The following ADAMTS2 variants were observed in gnomAD, a reference collection of about 807,000 sequenced individuals.
ADAMTS2 encodes the protein A disintegrin and metalloproteinase with thrombospondin motifs 2.
Under a neutral mutation model 123.0 loss-of-function variants are expected in ADAMTS2, and 50 were observed. That is an observed-to-expected ratio of 0.41 (90% confidence interval 0.32 to 0.51). The LOEUF (loss-of-function observed/expected upper bound fraction) is 0.51. ADAMTS2 is among the 20% of genes least tolerant of loss of function. The probability of loss-of-function intolerance (pLI) is 0.35; values close to 1 mark genes in which losing one functional copy is unlikely to be tolerated. For synonymous variants in ADAMTS2, 678 were observed against 695.4 expected (o/e 0.98, Z 0.39); for missense variants, 1,494 against 1,705.2 (o/e 0.88, Z 2.18).
intron 3 of ADAMTS2, among the ~76,000 whole-genome samples, chr5:179,258,819 C>A (rs1034991955): frequency 6.6e-6 from 1 of 152,132 alleles, no homozygotes; most frequent in Non-Finnish European, 1.5e-5. Context: ...CTCCCAGCCT[C>A]ACGGTGATTT....
At chr5:179,124,903 C>A in intron 19 of ADAMTS2, 70 bp downstream of exon 19, 1 of 1,592,348 alleles carries the variant, frequency 6.3e-7, no homozygotes, top group Non-Finnish European at 8.5e-7. Flanking sequence ...ATGCAGCGCA[C>A]GGAGCGCACC....
At chr5:179,134,932 CCCAGCTCCCGACTCCAGCT>C (rs2113211541) in intron 13 of ADAMTS2, among the ~76,000 whole-genome samples, 1 of 119,038 alleles carries the variant, frequency 8.4e-6, no homozygotes, top group Non-Finnish European at 1.8e-5. Context: ...GGCTCCAGCC[CCCAGCTCCCGACTCCAGCT>C]CCAGCTCCCG....
intron 2 of ADAMTS2, among the ~76,000 whole-genome samples, chr5:179,300,485 A>G (rs1756485368): frequency 6.6e-6 from 1 of 152,224 alleles, no homozygotes; most frequent in Admixed American, 6.5e-5. Context: ...ACAATGGAAA[A>G]CTAAAGAAAC....
At chr5:179,233,647 A>G (rs1238561607) in intron 3 of ADAMTS2, among the ~76,000 whole-genome samples, 2 of 152,218 alleles carry the variant, frequency 1.3e-5, no homozygotes, top group Non-Finnish European at 2.9e-5. Flanking sequence ...AGATTGTACC[A>G]TTGCACTCCA....
intron 4 of ADAMTS2, among the ~76,000 whole-genome samples, chr5:179,200,396 G>A (rs774222376): frequency 2.2e-4 from 34 of 151,892 alleles, no homozygotes; most frequent in South Asian, 4.2e-4. Context: ...TTACAGGCAC[G>A]TGCCACCACA....
At chr5:179,147,101 C>T (rs149215686) in intron 10 of ADAMTS2, among the ~76,000 whole-genome samples, 1,675 of 152,122 alleles carry the variant, frequency 0.011, 35 homozygotes, top group African/African-American at 0.037. Flanking sequence ...ATTTATTTAT[C>T]GTTTTGAGAT....
chr5:179,137,787 G>A lies in ADAMTS2; in HGVS notation c.1933C>T (p.Pro645Ser). The stretch of plus-strand genomic sequence containing the variant: ...GGCTCACCATCCCGGTGCTCGTGGG[G>A]CAGCCAGTGGTGCTGGGCGTCGCCG... ...EHGDAQHHWL[P>S]HEHRDAKERC... The change falls in exon 12 of 22, where the codon CCC becomes TCC. Residue 645 changes from proline (P) to serine (S), a missense_variant. By Grantham distance (74) the Pro-to-Ser change is moderately conservative. Coordinates refer to ENST00000251582, the MANE Select transcript of ADAMTS2 (RefSeq NM_014244.5). 6.3e-7 allele frequency: 1 copy of A among 1,575,882 alleles called. No homozygotes were observed. The highest frequency in any genetic ancestry group is 8.6e-7 in the Non-Finnish European group (1 of 1,163,616).
intron 2 of ADAMTS2, among the ~76,000 whole-genome samples, chr5:179,319,312 G>A (rs1757091470): frequency 6.6e-6 from 1 of 152,152 alleles, no homozygotes; most frequent in Non-Finnish European, 1.5e-5. Context: ...CCCCATGCAT[G>A]TGCATGGCAG....
rs770094463 is a variant in ADAMTS2, at chr5:179,140,799, C to CTTTTTTTTTTTTTTTTTTTTTTTT, written c.1630-765_1630-764insAAAAAAAAAAAAAAAAAAAAAAAA. ...TTTCCTTCAGTTCCGACTGCATGCTCTTTTTTTTTTTTTTTTTTTGAGACA... is the reference window on the plus strand; with the variant it reads ...TTTCCTTCAGTTCCGACTGCATGCTCTTTTTTTTTTTTTTTTTTTTTTTTTTTTTTTTTTTTTTTTTTTGAGACA... On this transcript the variant is annotated intron_variant, in intron 10 of 21. Transcript: ENST00000251582. Among the ~76,000 whole-genome samples the CTTTTTTTTTTTTTTTTTTTTTTTT allele has an allele frequency of 2.9e-4, 26 of 90,452 alleles. 4 individuals carry two copies. The highest frequency in any genetic ancestry group is 4.6e-4 in the Non-Finnish European group (22 of 48,298). 59.3% of individuals were successfully genotyped at this position (90,452 alleles called of 152,430 possible). A position where few individuals can be genotyped will look rare whatever the true frequency, so the allele number is the denominator to read the frequency against.
intron 3 of ADAMTS2, among the ~76,000 whole-genome samples, chr5:179,258,478 C>T (rs13179057): frequency 1.1e-4 from 17 of 151,930 alleles, no homozygotes; most frequent in Non-Finnish European, 2.2e-4. Context: ...ACCCCAGCCT[C>T]GGCCCCAGCT....
intron 10 of ADAMTS2, among the ~76,000 whole-genome samples, chr5:179,151,559 G>GC (rs1463861710): frequency 6.6e-6 from 1 of 152,156 alleles, no homozygotes; most frequent in Non-Finnish European, 1.5e-5. Context: ...GCATATGCCA[G>GC]CCCCCTAGCA....
Position 179,181,292 on chromosome 5 carries a change from C to T in ADAMTS2, c.892-137G>A, listed in dbSNP as rs1399310436. The T allele has an allele frequency of 1.3e-5, 9 of 710,400 alleles. No homozygotes were observed. In the East Asian group the frequency reaches 2.4e-4, roughly 19 times the overall value. The allele number at this position is 710,400 out of a possible 1,614,324, so 44.0% of individuals were successfully genotyped here. ...GGCGTCACCATCAACTAGGAGCCAC[C>T]TTGTGACCCCTCCCTCATTGCCCCC... On this transcript the variant is annotated intron_variant, in intron 4 of 21. Coordinates refer to ENST00000251582, the MANE Select transcript of ADAMTS2 (RefSeq NM_014244.5). This position sits in a 1 kb window ranked among gnomAD's most constrained non-coding sequence, Gnocchi z 4.1.
chr5:179,165,541 C>T (rs974332262), intron 5 of ADAMTS2, among the ~76,000 whole-genome samples: 2 of 152,144 alleles, frequency 1.3e-5, no homozygotes, highest in South Asian at 2.1e-4. Flanking sequence ...AGGAGTGAGC[C>T]GTAGCACCCT....
At position 179,185,937 on chromosome 5, in the gene ADAMTS2, G is replaced by A. The variant is rs1261075745; in HGVS notation, c.892-4782C>T. ...TAGCCAGGGAGAAGGAGGCCAGGCC[G>A]CAGCCAAGGCCCCCTCAGCCCTCCC... On this transcript the variant is annotated intron_variant, in intron 4 of 21. Coordinates refer to ENST00000251582, the MANE Select transcript of ADAMTS2 (RefSeq NM_014244.5). The surrounding 1 kb of genome is among the most constrained non-coding windows in gnomAD (Gnocchi z 5.9). 2.0e-5 allele frequency among the ~76,000 whole-genome samples: 3 copies of A among 152,032 alleles called. No homozygotes were observed. Among genetic ancestry groups the A allele is most frequent in the Admixed American group, 6.5e-5 (1 of 15,268 alleles).
chr5:179,255,252 G>A (rs796165808), intron 3 of ADAMTS2, among the ~76,000 whole-genome samples: 3 of 152,336 alleles, frequency 2.0e-5, no homozygotes, highest in African/African-American at 7.2e-5. Flanking sequence ...ATAGATGGAT[G>A]AATGGGTAGA....
intron 10 of ADAMTS2, among the ~76,000 whole-genome samples, chr5:179,151,872 G>T (rs1763362931): frequency 6.6e-6 from 1 of 152,186 alleles, no homozygotes; most frequent in South Asian, 2.1e-4. Flanking sequence ...CCCAGAAATT[G>T]CTCCTTAAAG....
chr5:179,161,986 G>T (rs180771464), intron 5 of ADAMTS2, among the ~76,000 whole-genome samples: 78 of 152,208 alleles, frequency 5.1e-4, no homozygotes, highest in Non-Finnish European at 9.0e-4. Flanking sequence ...GCTGCAGTGT[G>T]AGTGTCTCCA....
chr5:179,112,564 A>C lies in ADAMTS2; in HGVS notation c.*1303T>G, dbSNP rs1359114110. The C allele has an allele frequency of 6.6e-6, 1 of 152,254 alleles. No individual in the cohort carries two copies. The highest frequency in any genetic ancestry group is 1.5e-5 in the Non-Finnish European group (1 of 68,080). 9.4% of individuals were successfully genotyped at this position (152,254 alleles called of 1,614,324 possible). ...CCATCTCCCACCCTAAGCCCCCATC[A>C]GAGGCCACATTTTGCAGGTCACTGC... On this transcript the variant is annotated 3_prime_UTR_variant, in exon 22 of 22. Transcript: ENST00000251582.
chr5:179,326,153 T>C (rs1290429111), intron 2 of ADAMTS2, among the ~76,000 whole-genome samples: 1 of 152,134 alleles, frequency 6.6e-6, no homozygotes, highest in Non-Finnish European at 1.5e-5. Context: ...TCTTGACTAA[T>C]TGTTTTCAGG....
Sources: gnomAD v4.1 joint callset for allele counts (sites outside exome capture counted in the v4.1 genomes callset) on GRCh38, gnomAD v4.1.1 for gene constraint, Gnocchi (gnomAD v3.1) non-coding constraint, MANE v1.5 for transcripts, NCBI Gene and HGNC (gene_info 2026-07-23, HGNC 2026-07-21) for gene names.